TNRC6A: variants seen among roughly 807,000 people sequenced by gnomAD.
TNRC6A encodes the protein trinucleotide repeat containing adaptor 6A, also known as trinucleotide repeat-containing gene 6A protein.
Under a neutral mutation model 221.2 loss-of-function variants are expected in TNRC6A, and 44 were observed. That is an observed-to-expected ratio of 0.20 (90% CI 0.16 to 0.26). The LOEUF (loss-of-function observed/expected upper bound fraction) is 0.26, where lower values mean the gene tolerates loss of function less well. Among genes scored for constraint, TNRC6A ranks in the 10% least tolerant of loss-of-function variants. The probability of loss-of-function intolerance (pLI) is 1.00; values close to 1 mark genes in which losing one functional copy is unlikely to be tolerated. For missense variants in TNRC6A, 2,199 were observed against 2,404.4 expected (o/e 0.91, Z 1.79); for synonymous variants, 847 against 838.5 (o/e 1.01, Z -0.18).
chr16:24,714,481 T>G (rs1250805369), intron 2 of TNRC6A, among the ~76,000 whole-genome samples: 1 of 151,636 alleles, frequency 6.6e-6, no homozygotes, highest in Admixed American at 6.6e-5. Context: ...GCTAATTTTT[T>G]TTTAGTAGAG....
At position 24,790,958 on chromosome 16, in the gene TNRC6A, T is replaced by G; in HGVS notation, c.2316T>G (p.Pro772=). Residue 772 remains proline, a synonymous_variant, in exon 6 of 25, where the codon CCT becomes CCG. Coordinates refer to ENST00000395799, the MANE Select transcript of TNRC6A (RefSeq NM_014494.4). The part of the protein sequence containing the change: ...NSGACIDKTS[P]NGNDTSSVSG... ...GGGCATGTATAGATAAGACTAGCCC[T>G]AATGGTAATGATACCTCATCTGTAT... 1 of 1,610,870 alleles carries G rather than the reference T, an allele frequency of 6.2e-7. No homozygotes were observed. Among genetic ancestry groups the G allele is most frequent in the East Asian group, 2.2e-5 (1 of 44,874 alleles).
intron 2 of TNRC6A, among the ~76,000 whole-genome samples, chr16:24,686,570 T>C (rs1328839341): frequency 6.6e-6 from 1 of 152,188 alleles, no homozygotes; most frequent in East Asian, 1.9e-4. Flanking sequence ...CTTTCTTTCA[T>C]TTGTCAGTCA....
At position 24,743,980 on chromosome 16, in the gene TNRC6A, C is replaced by T. The variant is rs574952255; in HGVS notation, c.54-6746C>T. Among the ~76,000 whole-genome samples, 9 of 152,258 alleles carry T rather than the reference C, an allele frequency of 5.9e-5. No homozygotes were observed. In the South Asian group the frequency reaches 6.2e-4, roughly 11 times the overall value. On this transcript the variant is annotated intron_variant, in intron 2 of 24. Coordinates refer to ENST00000395799, the MANE Select transcript of TNRC6A (RefSeq NM_014494.4). ...ATTTTTTCTTGGTCAGGTCTTCAAT[C>T]GAAGATCACAAGTAGCATTTAGTTT...
Position 24,790,212 on chromosome 16 carries a change from G to A in TNRC6A, c.1570G>A (p.Ala524Thr), listed in dbSNP as rs769869106. ...AGGCTCTTATGGTACTACATGGGGT[G>A]CCTATGGTTCTAATTACTCTGGAGA... ...SGGSYGTTWGAYGSNYSGDKC... is the reference protein window; with the variant it reads ...SGGSYGTTWGTYGSNYSGDKC... The change falls in exon 6 of 25, where the codon GCC (alanine) becomes ACC (threonine). Residue 524 changes from alanine (A) to threonine (T), a missense_variant. Transcript: ENST00000395799. 1.2e-6 allele frequency: 2 copies of A among 1,614,206 alleles called. No individual in the cohort carries two copies. The highest frequency in any genetic ancestry group is 1.1e-5 in the South Asian group (1 of 91,082).
intron 2 of TNRC6A, among the ~76,000 whole-genome samples, chr16:24,722,681 G>A (rs918547776): frequency 4.6e-5 from 7 of 152,002 alleles, no homozygotes; most frequent in African/African-American, 1.7e-4. Context: ...TGATCCACCT[G>A]CCTCGGCCTC....
At chr16:24,731,391 C>T (rs1027490035) in intron 2 of TNRC6A, among the ~76,000 whole-genome samples, 2 of 152,090 alleles carry the variant, frequency 1.3e-5, no homozygotes, top group Non-Finnish European at 2.9e-5. Flanking sequence ...TCATAAGATA[C>T]TAATCTGTTC....
Position 24,712,907 on chromosome 16 carries a change from CTGTGTGTGTGTGTG to C in TNRC6A, n.403-37781_403-37768del, listed in dbSNP as rs61198955. Among the ~76,000 whole-genome samples the C allele has an allele frequency of 5.6e-3, 711 of 126,706 alleles. 4 individuals are homozygous for C. The highest frequency in any genetic ancestry group is 8.8e-3 in the African/African-American group (274 of 31,118). 83.1% of individuals were successfully genotyped at this position (126,706 alleles called of 152,430 possible). A position where few individuals can be genotyped will look rare whatever the true frequency, so the allele number is the denominator to read the frequency against. On this transcript the variant is annotated intron_variant and non_coding_transcript_variant, in intron 2 of 2. Transcript: ENST00000566108. ...AATTTGGGGCCATAGTTATGTGCCA[CTGTGTGTGTGTGTG>C]TGTGTGTGTGTGTGTGTGTGTGTGT...
At chr16:24,657,033 C>T (rs1034787731) in intron 2 of TNRC6A, among the ~76,000 whole-genome samples, 2 of 151,898 alleles carry the variant, frequency 1.3e-5, no homozygotes, top group African/African-American at 2.4e-5. Context: ...TCTAGAGAGG[C>T]GGGGCATGGT....
chr16:24,648,448 T>A (rs910961057), intron 2 of TNRC6A, among the ~76,000 whole-genome samples: 38 of 151,924 alleles, frequency 2.5e-4, no homozygotes, highest in Non-Finnish European at 5.1e-4. Flanking sequence ...TTTTTTGTAT[T>A]TTTAGTAGAG....
At chr16:24,656,522 A>C (rs1031237065) in intron 2 of TNRC6A, among the ~76,000 whole-genome samples, 1 of 152,062 alleles carries the variant, frequency 6.6e-6, no homozygotes, top group Non-Finnish European at 1.5e-5. Flanking sequence ...CTTTTCAAAA[A>C]TACATAGAAC....
intron 8 of TNRC6A, 91 bp downstream of exon 8, chr16:24,794,810 C>T (rs528900939): frequency 1.4e-5 from 18 of 1,320,082 alleles, no homozygotes; most frequent in African/African-American, 6.0e-5. Context: ...CCATTTCTGG[C>T]GGTCAGTACA....
intron 2 of TNRC6A, among the ~76,000 whole-genome samples, chr16:24,704,601 G>T (rs1310613057): frequency 7.3e-6 from 1 of 137,374 alleles, no homozygotes; most frequent in Non-Finnish European, 1.5e-5. Flanking sequence ...GGAGGTGGAG[G>T]TTACAGTGAG....
intron 2 of TNRC6A, among the ~76,000 whole-genome samples, chr16:24,706,977 ATTTTTATTTAT>A (rs1567374369): frequency 8.8e-6 from 1 of 113,824 alleles, no homozygotes; most frequent in Non-Finnish European, 1.7e-5. Flanking sequence ...TTATTTATCT[ATTTTTATTTAT>A]GTATTTATTT....
chr16:24,631,520 C>G (rs1901337908), intron 1 of TNRC6A, among the ~76,000 whole-genome samples: 2 of 152,010 alleles, frequency 1.3e-5, no homozygotes, highest in Non-Finnish European at 2.9e-5. Flanking sequence ...ACCTGTAATC[C>G]CAGCACTTTG....
intron 2 of TNRC6A, among the ~76,000 whole-genome samples, chr16:24,719,242 CA>C (rs1352684993): frequency 2.0e-5 from 3 of 152,064 alleles, no homozygotes; most frequent in South Asian, 2.1e-4. Flanking sequence ...TAAACAAAGC[CA>C]GGGGCAGTGG....
At chr16:24,787,120 T>A (rs2057990541) in intron 5 of TNRC6A, among the ~76,000 whole-genome samples, 1 of 152,220 alleles carries the variant, frequency 6.6e-6, no homozygotes, top group East Asian at 1.9e-4. Flanking sequence ...TGTTAATCAC[T>A]ACATCAAATT....
At chr16:24,663,780 C>A (rs2055085649) in intron 2 of TNRC6A, 5 of 375,792 alleles carry the variant, frequency 1.3e-5, no homozygotes, top group Non-Finnish European at 2.1e-5. Context: ...CAGTGTCCAG[C>A]CCCTCCAGAG....
intron 2 of TNRC6A, among the ~76,000 whole-genome samples, chr16:24,669,781 T>G (rs1361903745): frequency 6.6e-6 from 1 of 151,678 alleles, no homozygotes; most frequent in Non-Finnish European, 1.5e-5. Context: ...GTTTTAGTAG[T>G]AAGAGTAGTA....
At chr16:24,775,446 A>G (rs552593278) in intron 4 of TNRC6A, among the ~76,000 whole-genome samples, 1 of 152,342 alleles carries the variant, frequency 6.6e-6, no homozygotes, top group East Asian at 1.9e-4. Flanking sequence ...TATAAATGAC[A>G]TAGACTAAAT....
Sources: gnomAD v4.1 joint callset for allele counts (sites outside exome capture counted in the v4.1 genomes callset) on GRCh38, gnomAD v4.1.1 for gene constraint, MANE v1.5 for transcripts, NCBI Gene and HGNC (gene_info 2026-07-23, HGNC 2026-07-21) for gene names.